TTLL3: variants seen among roughly 807,000 people sequenced by gnomAD.
TTLL3 encodes tubulin monoglycylase TTLL3.
A neutral mutation model predicts 75.2 loss-of-function variants in TTLL3; 63 were observed. The ratio of observed to expected loss-of-function variants is 0.84; its 90% CI spans 0.68 to 1.03. The LOEUF (loss-of-function observed/expected upper bound fraction) is 1.03, where lower values mean the gene tolerates loss of function less well. Among genes scored for constraint, TTLL3 ranks in the 50% least tolerant of loss-of-function variants. TTLL3 has a pLI of 0.00. For missense variants in TTLL3, 997 were observed against 1,069.9 expected (o/e 0.93, Z 0.95); for synonymous variants, 393 against 418.5 (o/e 0.94, Z 0.74).
chr3:9,816,889 T>C (rs1210733555), intron 5 of TTLL3, among the ~76,000 whole-genome samples: 1 of 152,112 alleles, frequency 6.6e-6, no homozygotes, highest in Non-Finnish European at 1.5e-5. Context: ...TCTTCTGGGG[T>C]TGTGGCAAGG....
intron 10 of TTLL3, chr3:9,828,196 A>T (rs1171571327): frequency 6.6e-6 from 1 of 152,078 alleles, no homozygotes; most frequent in African/African-American, 2.4e-5. Flanking sequence ...AAAGGGAAGC[A>T]AATGTAGAGC....
chr3:9,835,310 G>T lies in TTLL3; in HGVS notation c.2269G>T (p.Gly757Cys). The T allele has an allele frequency of 6.2e-7, 1 of 1,614,178 alleles. No individual in the cohort carries two copies. The highest frequency in any genetic ancestry group is 1.1e-5 in the South Asian group (1 of 91,088). ...TGTTGGTACATTCCAGAGGCGCAGG[G>T]GCCTGGGGGATATGAAGCTAGGGAA... ...PLVGTFQRRR[G>C]LGDMKLGKPL... is the part of the protein sequence containing the mutation. The change falls in exon 14 of 14, where the codon GGC becomes TGC. Residue 757 changes from glycine (G) to cysteine (C), a missense_variant. By Grantham distance (159) the Gly-to-Cys change is radical. Transcript: ENST00000685419.
chr3:9,820,428 T>C (rs2080301537), intron 7 of TTLL3, 118 bp from the exon 8 acceptor site: 1 of 1,533,940 alleles, frequency 6.5e-7, no homozygotes, highest in Non-Finnish European at 8.8e-7. Flanking sequence ...GTAGGGGATC[T>C]ATCTAGGTTC....
chr3:9,834,503 G>A (rs1372753149), intron 12 of TTLL3, 178 bp from the exon 13 acceptor site: 4 of 1,016,910 alleles, frequency 3.9e-6, no homozygotes, highest in Non-Finnish European at 1.5e-6. Context: ...TGCAGACCCA[G>A]GTCTGTTGGA....
In TTLL3 at chr3:9,826,993, G is replaced by C; in HGVS notation, c.1004-4G>C. The C allele has an allele frequency of 6.2e-7, 1 of 1,613,998 alleles. No individual in the cohort carries two copies. Among genetic ancestry groups the C allele is most frequent in the Non-Finnish European group, 8.5e-7 (1 of 1,179,976 alleles). On this transcript the variant is annotated splice_polypyrimidine_tract_variant and splice_region_variant and intron_variant, in intron 9 of 13. Coordinates refer to ENST00000685419, the MANE Select transcript of TTLL3 (RefSeq NM_001387446.1). ...CAATCCCTGACTGCCCTCTTCCCCC[G>C]TAGGCATCATGTGCATGGACCACCT...
chr3:9,809,849 G>T, upstream of TTLL3: 1 of 532,076 alleles, frequency 1.9e-6, no homozygotes, highest in African/African-American at 2.0e-5. Flanking sequence ...CGGTCTGATG[G>T]TGCCCAGGGA....
rs60013146 is a variant in TTLL3 at position 9,823,402 on chromosome 3, GT to G, written c.855-2377del. Among the ~76,000 whole-genome samples, 524 of 124,994 alleles carry G rather than the reference GT, an allele frequency of 4.2e-3. 2 individuals are homozygous for G. The highest frequency in any genetic ancestry group is 0.012 in the African/African-American group (410 of 33,106). The allele number at this position is 124,994 out of a possible 152,430, so 82.0% of individuals were successfully genotyped here. On this transcript the variant is annotated intron_variant, in intron 8 of 13. Transcript: ENST00000685419. Reference sequence around the variant, plus strand: ...GTCTCAAAGAAAAAACAAACAGCCAGTTTTTTTTTTTTTTTTTTTTTAAATC... The same window carrying G: ...GTCTCAAAGAAAAAACAAACAGCCAGTTTTTTTTTTTTTTTTTTTTAAATC...
chr3:9,816,012 G>C, intron 4 of TTLL3, 62 bp from the exon 5 acceptor site: 1 of 1,292,382 alleles, frequency 7.7e-7, no homozygotes, highest in Non-Finnish European at 1.0e-6. Flanking sequence ...GCAGGGAGAG[G>C]CTGCCTTAGG....
chr3:9,833,493 C>T (rs1222745094), intron 12 of TTLL3, among the ~76,000 whole-genome samples: 1 of 152,212 alleles, frequency 6.6e-6, no homozygotes, highest in Non-Finnish European at 1.5e-5. Context: ...AACCCCACCA[C>T]TTGAACAGAT....
At chr3:9,827,397 C>T (rs182884486) in intron 10 of TTLL3, 157 bp downstream of exon 10, 21,749 of 1,368,632 alleles carry the variant, frequency 0.016, 242 homozygotes, top group Admixed American at 0.019. Flanking sequence ...GTCCTTGCAT[C>T]CAACAGATTT....
chr3:9,833,881 C>CG (rs1426035472), intron 12 of TTLL3, among the ~76,000 whole-genome samples: 2 of 151,814 alleles, frequency 1.3e-5, no homozygotes, highest in Non-Finnish European at 2.9e-5. Context: ...GAGGCCGAGG[C>CG]GGGCAGATCA....
chr3:9,819,660 C>T (rs2080231774), intron 7 of TTLL3: 1 of 985,624 alleles, frequency 1.0e-6, no homozygotes, highest in African/African-American at 1.7e-5. Flanking sequence ...CCTTTCCCTT[C>T]TGGATTTAGC....
intron 7 of TTLL3, chr3:9,819,318 A>C (rs1575377534): frequency 9.3e-6 from 2 of 216,014 alleles, no homozygotes; most frequent in Non-Finnish European, 1.8e-5. Context: ...CCCATCTACT[A>C]CCTATCTGTT....
chr3:9,810,237 C>A, upstream of TTLL3: 1 of 1,508,644 alleles, frequency 6.6e-7, no homozygotes, highest in Non-Finnish European at 8.8e-7. This position sits in a 1 kb window ranked among gnomAD's most constrained non-coding sequence, Gnocchi z 4.4. Context: ...AGGAGGGTCA[C>A]GCAGGCGGCA....
chr3:9,835,076 C>T lies in TTLL3; in HGVS notation c.2053-18C>T. ...GACTTCTGATCATCTCCCTCTTCTC[C>T]CCTCCTTTCACACCGAGGCTCCTGC... On this transcript the variant is annotated intron_variant, in intron 13 of 13. Coordinates refer to ENST00000685419, the MANE Select transcript of TTLL3 (RefSeq NM_001387446.1). The T allele has an allele frequency of 1.3e-6, 2 of 1,595,926 alleles. No individual in the cohort carries two copies. The highest frequency in any genetic ancestry group is 8.5e-7 in the Non-Finnish European group (1 of 1,169,856).
In TTLL3 at chr3:9,825,936, T is replaced by A. The variant is rs958547697; in HGVS notation, c.991T>A (p.Ser331Thr). 6.2e-7 allele frequency: 1 copy of A among 1,613,408 alleles called. No homozygotes were observed. Among genetic ancestry groups the A allele is most frequent in the Non-Finnish European group, 8.5e-7 (1 of 1,179,422 alleles). ...CTGGATCGTGAAGCCAGGAGCCAAGTCCCGCGGACGAGGTGGGGGTCAGCT... is the reference window on the plus strand; with the variant it reads ...CTGGATCGTGAAGCCAGGAGCCAAGACCCGCGGACGAGGTGGGGGTCAGCT... ...NIWIVKPGAK[S>T]RGRGIMCMDH... is the part of the protein sequence containing the mutation. Residue 331 changes from serine to threonine, a missense_variant, in exon 9 of 14, where the codon TCC becomes ACC. Physicochemically the swap from Ser to Thr is moderately conservative, Grantham distance 58. Coordinates refer to ENST00000685419, the MANE Select transcript of TTLL3 (RefSeq NM_001387446.1).
At position 9,817,693 on chromosome 3, in the gene TTLL3, G is replaced by A. The variant is rs73116112; in HGVS notation, c.493G>A (p.Asp165Asn). 3.7e-6 allele frequency: 6 copies of A among 1,614,036 alleles called. No individual in the cohort carries two copies. Among genetic ancestry groups the A allele is most frequent in the Non-Finnish European group, 5.1e-6 (6 of 1,180,048 alleles). ...LRNLPWFDEV[D>N]ANSFFPRCYC... ...GAATTTGCCGTGGTTTGATGAGGTT[G>A]ATGCCAACTCCTTCTTCCCACGCTG... Residue 165 changes from aspartate (D) to asparagine (N), a missense_variant, in exon 6 of 14, where the codon GAT (aspartate) becomes AAT (asparagine). Transcript: ENST00000685419.
intron 11 of TTLL3, 149 bp downstream of exon 11, chr3:9,829,544 C>T: frequency 1.0e-6 from 1 of 975,786 alleles, no homozygotes; most frequent in Non-Finnish European, 1.4e-6. Flanking sequence ...CTTCCTTGAG[C>T]CTCAGTTTCC....
At position 9,834,795 on chromosome 3, in the gene TTLL3, C is replaced by T; in HGVS notation, c.1940C>T (p.Ala647Val). 1 of 1,614,220 alleles carries T rather than the reference C, an allele frequency of 6.2e-7. No individual in the cohort carries two copies. The highest frequency in any genetic ancestry group is 1.7e-5 in the Admixed American group (1 of 60,026). The change falls in exon 13 of 14, where the codon GCC (alanine) becomes GTC (valine). Residue 647 changes from alanine (A) to valine (V), a missense_variant. Ala to Val is a moderately conservative substitution (Grantham distance 64). Coordinates refer to ENST00000685419, the MANE Select transcript of TTLL3 (RefSeq NM_001387446.1). ...RQHSKLVGTKALSTTGKALRT... is the reference protein window; with the variant it reads ...RQHSKLVGTKVLSTTGKALRT... ...CACAGCAAGCTGGTGGGCACTAAGG[C>T]CCTGTCGACCACAGGCAAGGCCTTG... is the stretch of plus-strand genomic sequence containing the variant.
Sources: allele counts gnomAD v4.1 joint callset (sites outside exome capture counted in the v4.1 genomes callset), GRCh38; gene constraint gnomAD v4.1.1; non-coding constraint Gnocchi (gnomAD v3.1); transcripts MANE v1.5; gene names NCBI Gene and HGNC (gene_info 2026-07-23, HGNC 2026-07-21).